MEIS2: variants seen among roughly 807,000 people sequenced by gnomAD.
MEIS2 encodes homeobox protein Meis2.
Under a neutral mutation model 58.6 loss-of-function variants are expected in MEIS2, and 9 were observed. That is an observed-to-expected ratio of 0.15 (90% CI 0.09 to 0.27). MEIS2 has a LOEUF of 0.27. Among genes scored for constraint, MEIS2 ranks in the 10% least tolerant of loss-of-function variants. The pLI, the probability that MEIS2 is intolerant of heterozygous loss-of-function variation, is 1.00. For synonymous variants in MEIS2, 221 were observed against 228.4 expected, an observed-to-expected ratio of 0.97 and a Z score of 0.29; for missense variants, 427 against 635.0, an observed-to-expected ratio of 0.67 and a Z score of 3.52.
chr15:37,002,426 A>T (rs768628594), intron 8 of MEIS2, among the ~76,000 whole-genome samples: 1 of 152,032 alleles, frequency 6.6e-6, no homozygotes, highest in Non-Finnish European at 1.5e-5. Context: ...TTTACTTTTA[A>T]TTTATGTTAC....
intron 7 of MEIS2, among the ~76,000 whole-genome samples, chr15:37,041,334 C>T (rs1396599687): frequency 3.9e-5 from 6 of 152,190 alleles, no homozygotes; most frequent in Admixed American, 1.3e-4. Context: ...CCATAAAGCA[C>T]AGAGAACATC....
intron 8 of MEIS2, among the ~76,000 whole-genome samples, chr15:36,984,543 T>G (rs2060034467): frequency 6.6e-6 from 1 of 152,166 alleles, no homozygotes; most frequent in Admixed American, 6.5e-5. Context: ...CATATTAGCT[T>G]GTAATTTTTT....
chr15:36,967,796 T>A (rs1420219300), intron 8 of MEIS2, among the ~76,000 whole-genome samples: 1 of 152,168 alleles, frequency 6.6e-6, no homozygotes, highest in Admixed American at 6.5e-5. Context: ...CTTTCTCTCC[T>A]CCCCTTTTTC....
chr15:37,089,168 G>T (rs767141110), intron 6 of MEIS2, among the ~76,000 whole-genome samples: 2 of 152,066 alleles, frequency 1.3e-5, no homozygotes, highest in Non-Finnish European at 2.9e-5. Context: ...GAACTTTATC[G>T]GAATAGGCCC....
At position 37,098,979 on chromosome 15, in the gene MEIS2, T is replaced by C; in HGVS notation, c.12+476A>G. 7.1e-6 allele frequency: 7 copies of C among 984,692 alleles called. No homozygotes were observed. In the South Asian group the frequency reaches 2.3e-4, roughly 32 times the overall value. The allele number at this position is 984,692 out of a possible 1,614,324, so 61.0% of individuals were successfully genotyped here. Reference sequence around the variant, plus strand: ...AAACAAGCAGCCCAGGCTAGTAGTCTAGGCGGCGGCGCAGCGGCTGCGGCA... The same window carrying C: ...AAACAAGCAGCCCAGGCTAGTAGTCCAGGCGGCGGCGCAGCGGCTGCGGCA... On this transcript the variant is annotated intron_variant, in intron 1 of 11. Transcript: ENST00000561208.
At chr15:37,090,984 A>G (rs866644505) in intron 6 of MEIS2, among the ~76,000 whole-genome samples, 9 of 152,202 alleles carry the variant, frequency 5.9e-5, no homozygotes, top group African/African-American at 2.2e-4. Context: ...CCCCTGCACC[A>G]GTGTTCACCA....
At chr15:36,941,513 A>G (rs549058178) in intron 9 of MEIS2, among the ~76,000 whole-genome samples, 64 of 152,332 alleles carry the variant, frequency 4.2e-4, no homozygotes, top group Middle Eastern at 3.4e-3. Context: ...CTCTTTTGGA[A>G]GAGCGTATTT....
At chr15:37,018,630 T>G (rs1228061313) in intron 8 of MEIS2, among the ~76,000 whole-genome samples, 2 of 152,194 alleles carry the variant, frequency 1.3e-5, no homozygotes, top group African/African-American at 4.8e-5. Context: ...ACCACTAGAA[T>G]TTAGACTTCT....
rs570162013 is a variant in MEIS2 at position 37,038,742 on chromosome 15, A to G, written c.755-1783T>C. The stretch of plus-strand genomic sequence containing the variant: ...AAACAAAAGGCATTTGACTCTTTCA[A>G]TACTGGATAATATACAGTCTAGTTT... On this transcript the variant is annotated intron_variant, in intron 7 of 11. Coordinates refer to ENST00000561208, the MANE Select transcript of MEIS2 (RefSeq NM_170675.5). Among the ~76,000 whole-genome samples the G allele has an allele frequency of 9.8e-5, 15 of 152,322 alleles. No homozygotes were observed. The East Asian group carries it at 2.3e-3, about 24-fold the overall frequency.
At chr15:37,055,132 C>T (rs911460347) in intron 7 of MEIS2, among the ~76,000 whole-genome samples, 1 of 152,192 alleles carries the variant, frequency 6.6e-6, no homozygotes, top group African/African-American at 2.4e-5. Flanking sequence ...TGATGGCTAT[C>T]TCTGAGAGCT....
intron 8 of MEIS2, among the ~76,000 whole-genome samples, chr15:36,983,161 ATCTG>A (rs1488913132): frequency 1.3e-5 from 2 of 152,048 alleles, no homozygotes; most frequent in Admixed American, 1.3e-4. Flanking sequence ...ATGCAATTCC[ATCTG>A]TCTATTTTTG....
At chr15:36,935,317 C>T (rs2058126938) in intron 9 of MEIS2, among the ~76,000 whole-genome samples, 1 of 151,870 alleles carries the variant, frequency 6.6e-6, no homozygotes, top group African/African-American at 2.4e-5. Context: ...CAAAAGCCAT[C>T]CAGTAATATA....
Position 36,891,872 on chromosome 15 carries a change from C to G in MEIS2, c.*301G>C. On this transcript the variant is annotated 3_prime_UTR_variant, in exon 12 of 12. Transcript: ENST00000561208. ...TCTAAAACTATTTGAGGCAACATAACGGCGTGATCAACAGAAATGTACAAG... is the reference window on the plus strand; with the variant it reads ...TCTAAAACTATTTGAGGCAACATAAGGGCGTGATCAACAGAAATGTACAAG... The G allele has an allele frequency of 2.4e-6, 1 of 409,170 alleles. No homozygotes were observed. Among genetic ancestry groups the G allele is most frequent in the Non-Finnish European group, 4.3e-6 (1 of 229,944 alleles). 25.3% of individuals were successfully genotyped at this position (409,170 alleles called of 1,614,324 possible).
intron 7 of MEIS2, among the ~76,000 whole-genome samples, chr15:37,055,633 C>T (rs929944155): frequency 1.1e-4 from 16 of 152,202 alleles, no homozygotes; most frequent in African/African-American, 3.6e-4. Flanking sequence ...GGAGAAACCA[C>T]TCCTTCTCCT....
intron 7 of MEIS2, among the ~76,000 whole-genome samples, chr15:37,073,387 C>T (rs180884444): frequency 1.3e-5 from 2 of 152,016 alleles, no homozygotes; most frequent in African/African-American, 2.4e-5. Flanking sequence ...CATGGTACTC[C>T]CCCCACCACC....
chr15:37,098,371 G>T, intron 1 of MEIS2, 172 bp from the exon 2 acceptor site: 1 of 719,082 alleles, frequency 1.4e-6, no homozygotes, highest in Non-Finnish European at 1.7e-6. Context: ...AGGAAAAGGA[G>T]GAGAGGGGGA....
intron 9 of MEIS2, among the ~76,000 whole-genome samples, chr15:36,920,485 A>G: frequency 6.6e-6 from 1 of 152,164 alleles, no homozygotes; most frequent in South Asian, 2.1e-4. Context: ...CTTTTTATAA[A>G]AGAATTCTTA....
chr15:37,010,509 A>G (rs550942017), intron 8 of MEIS2, among the ~76,000 whole-genome samples: 8 of 152,150 alleles, frequency 5.3e-5, no homozygotes, highest in African/African-American at 1.9e-4. Context: ...AAGCCTCTGG[A>G]GTAACTGGGA....
Position 37,098,400 on chromosome 15 carries a change from G to GAC in MEIS2, c.13-202_13-201insGT, listed in dbSNP as rs1260565774. The GAC allele has an allele frequency of 9.1e-6, 11 of 1,207,504 alleles. No individual in the cohort carries two copies. In the African/African-American group the frequency reaches 1.4e-4, roughly 16 times the overall value. 74.8% of individuals were successfully genotyped at this position (1,207,504 alleles called of 1,614,324 possible). The stretch of plus-strand genomic sequence containing the variant: ...AGGGGGAGAGAGAGAGAGAGAGAGA[G>GAC]AGAGAGAGAGAGAGAGAGAGAGAGA... On this transcript the variant is annotated intron_variant, in intron 1 of 11. Coordinates refer to ENST00000561208, the MANE Select transcript of MEIS2 (RefSeq NM_170675.5).
Sources: allele counts gnomAD v4.1 joint callset (sites outside exome capture counted in the v4.1 genomes callset), GRCh38; gene constraint gnomAD v4.1.1; transcripts MANE v1.5; gene names NCBI Gene and HGNC (gene_info 2026-07-23, HGNC 2026-07-21).